The following LOC128125818 variants were observed in gnomAD, a reference collection of about 807,000 sequenced individuals.
At chr4:6,067,379 C>T in the LOC128125818 span, among the ~76,000 whole-genome samples, 6 of 152,292 alleles carry the variant, frequency 3.9e-5, no homozygotes, top group African/African-American at 9.6e-5. The surrounding 1 kb of genome is among the most constrained non-coding windows in gnomAD (Gnocchi z 4.6). Flanking sequence ...TTGGCAGGTA[C>T]GTGAAGACTA....
the LOC128125818 span, among the ~76,000 whole-genome samples, chr4:6,069,093 G>T: frequency 3.3e-5 from 5 of 152,104 alleles, no homozygotes; most frequent in African/African-American, 1.2e-4. The surrounding 1 kb of genome is among the most constrained non-coding windows in gnomAD (Gnocchi z 4.5). Context: ...CTTCCTTGAA[G>T]GCAATGCAAC....
At chr4:6,070,112 A>G in the LOC128125818 span, 1 of 398,922 alleles carries the variant, frequency 2.5e-6, no homozygotes, top group East Asian at 3.6e-5. Context: ...ACACCAGGGC[A>G]CAGAGACACA....
the LOC128125818 span, chr4:6,069,993 G>T: frequency 5.0e-6 from 2 of 398,002 alleles, no homozygotes; most frequent in South Asian, 1.3e-4. This position sits in a 1 kb window ranked among gnomAD's most constrained non-coding sequence, Gnocchi z 4.5. Flanking sequence ...CAGGAGCATC[G>T]GTCGGCCACA....
At chr4:6,065,872 A>G in the LOC128125818 span, among the ~76,000 whole-genome samples, 1 of 152,196 alleles carries the variant, frequency 6.6e-6, no homozygotes. The surrounding 1 kb of genome is among the most constrained non-coding windows in gnomAD (Gnocchi z 5.1). Context: ...GGCCTGGGGA[A>G]TACAATAGGA....
the LOC128125818 span, among the ~76,000 whole-genome samples, chr4:6,066,934 T>C: frequency 6.6e-6 from 1 of 152,126 alleles, no homozygotes; most frequent in African/African-American, 2.4e-5. Context: ...CATGGGGCCT[T>C]TGCGCTCCGA....
the LOC128125818 span, among the ~76,000 whole-genome samples, chr4:6,066,197 C>T: frequency 5.3e-5 from 8 of 152,066 alleles, no homozygotes; most frequent in Admixed American, 3.3e-4. Flanking sequence ...TACTAAGGGC[C>T]CCTCCCAGCC....
At chr4:6,068,135 A>G in the LOC128125818 span, among the ~76,000 whole-genome samples, 1 of 152,102 alleles carries the variant, frequency 6.6e-6, no homozygotes, top group Non-Finnish European at 1.5e-5. Flanking sequence ...TAAAGACTCA[A>G]CTCTCAAGCC....
At chr4:6,066,786 G>A in the LOC128125818 span, among the ~76,000 whole-genome samples, 181 of 152,010 alleles carry the variant, frequency 1.2e-3, 1 homozygote, top group Middle Eastern at 0.01. Flanking sequence ...TCTCTCTCTG[G>A]AATTATTAAA....
At chr4:6,065,054 C>A in the LOC128125818 span, 2 of 1,611,460 alleles carry the variant, frequency 1.2e-6, no homozygotes, top group Non-Finnish European at 1.7e-6. This position sits in a 1 kb window ranked among gnomAD's most constrained non-coding sequence, Gnocchi z 5.1. Context: ...TGAGGATTGC[C>A]AGAGTCTACC....
At chr4:6,065,158 T>A in the LOC128125818 span, 1 of 976,414 alleles carries the variant, frequency 1.0e-6, no homozygotes, top group Non-Finnish European at 1.6e-6. This position sits in a 1 kb window ranked among gnomAD's most constrained non-coding sequence, Gnocchi z 5.1. Flanking sequence ...GCTTCGTAAC[T>A]GACTGGGTGG....
chr4:6,066,125 C>G, the LOC128125818 span, among the ~76,000 whole-genome samples: 28,609 of 152,060 alleles, frequency 0.19, 3,622 homozygotes, highest in African/African-American at 0.35. Context: ...GCTGGCTCAT[C>G]CAAAACATGA....
chr4:6,068,053 C>T, the LOC128125818 span, among the ~76,000 whole-genome samples: 1 of 152,244 alleles, frequency 6.6e-6, no homozygotes, highest in African/African-American at 2.4e-5. Flanking sequence ...ATCAGGGACC[C>T]TCCTGGGGGC....
the LOC128125818 span, among the ~76,000 whole-genome samples, chr4:6,067,788 TTCTGCACACGCAGGTCACCCCCCTGA>T: frequency 1.4e-5 from 2 of 140,418 alleles, no homozygotes; most frequent in African/African-American, 5.5e-5. This position sits in a 1 kb window ranked among gnomAD's most constrained non-coding sequence, Gnocchi z 4.6. Flanking sequence ...ACTCAAGCTC[TTCTGCACACGCAGGTCACCCCCCTGA>T]GCTCCACGTT....
chr4:6,069,745 C>A, the LOC128125818 span, among the ~76,000 whole-genome samples: 1 of 117,754 alleles, frequency 8.5e-6, no homozygotes, highest in East Asian at 2.1e-4. The surrounding 1 kb of genome is among the most constrained non-coding windows in gnomAD (Gnocchi z 4.5). Context: ...AGGGCAAGAT[C>A]CTGTCTCAAA....
chr4:6,067,695 T>C, the LOC128125818 span, among the ~76,000 whole-genome samples: 132 of 132,474 alleles, frequency 1.0e-3, no homozygotes, highest in African/African-American at 3.8e-3. The surrounding 1 kb of genome is among the most constrained non-coding windows in gnomAD (Gnocchi z 4.6). Flanking sequence ...CAAGCTCTTC[T>C]GCACACACAG....
the LOC128125818 span, among the ~76,000 whole-genome samples, chr4:6,067,018 A>G: frequency 6.6e-6 from 1 of 152,044 alleles, no homozygotes; most frequent in Non-Finnish European, 1.5e-5. This position sits in a 1 kb window ranked among gnomAD's most constrained non-coding sequence, Gnocchi z 4.6. Flanking sequence ...CAACCATATG[A>G]GAAAAGGCTT....
At chr4:6,069,397 T>C in the LOC128125818 span, among the ~76,000 whole-genome samples, 1 of 152,232 alleles carries the variant, frequency 6.6e-6, no homozygotes, top group Non-Finnish European at 1.5e-5. This position sits in a 1 kb window ranked among gnomAD's most constrained non-coding sequence, Gnocchi z 4.5. Context: ...CCATGTTCCT[T>C]GCAACCAAAG....
the LOC128125818 span, among the ~76,000 whole-genome samples, chr4:6,066,716 C>A: frequency 6.6e-6 from 1 of 152,086 alleles, no homozygotes; most frequent in Non-Finnish European, 1.5e-5. Flanking sequence ...AACTCAAAAT[C>A]CAGCCCTCTC....
At chr4:6,069,610 G>A in the LOC128125818 span, among the ~76,000 whole-genome samples, 3 of 152,102 alleles carry the variant, frequency 2.0e-5, no homozygotes, top group Non-Finnish European at 4.4e-5. The surrounding 1 kb of genome is among the most constrained non-coding windows in gnomAD (Gnocchi z 4.5). Flanking sequence ...AAAGTTAGCC[G>A]AGTATGGTGG....
Sources: gnomAD v4.1 joint callset for allele counts (sites outside exome capture counted in the v4.1 genomes callset) on GRCh38, gnomAD v4.1.1 for gene constraint, Gnocchi (gnomAD v3.1) non-coding constraint, MANE v1.5 for transcripts.